The following BTBD10 variants were observed in gnomAD, a reference collection of about 807,000 sequenced individuals.
BTBD10 encodes BTB domain containing 10.
A neutral mutation model predicts 53.2 loss-of-function variants in BTBD10; 21 were observed. The observed-to-expected ratio is 0.39, with a 90% CI of 0.28 to 0.57. The LOEUF (loss-of-function observed/expected upper bound fraction) is 0.57, where lower values mean the gene tolerates loss of function less well. Ranked by LOEUF, BTBD10 falls within the 20% of genes least tolerant of loss-of-function variation. BTBD10 has a pLI of 0.53. For synonymous variants in BTBD10, 149 were observed against 192.7 expected (o/e 0.77, Z 1.88); for missense variants, 360 against 594.7 (o/e 0.61, Z 4.10).
intron 8 of BTBD10, among the ~76,000 whole-genome samples, chr11:13,400,535 G>A (rs1949689811): frequency 6.6e-6 from 1 of 152,210 alleles, no homozygotes; most frequent in Non-Finnish European, 1.5e-5. Flanking sequence ...CTCACGCACG[G>A]TGCGCTGCAC....
At chr11:13,434,357 G>A (rs978754292) in intron 2 of BTBD10, among the ~76,000 whole-genome samples, 1 of 152,176 alleles carries the variant, frequency 6.6e-6, no homozygotes, top group Non-Finnish European at 1.5e-5. Flanking sequence ...AGAACTCTCT[G>A]AGGGGGAAGT....
At chr11:13,399,445 C>T (rs199939672) in intron 8 of BTBD10, among the ~76,000 whole-genome samples, 15 of 152,162 alleles carry the variant, frequency 9.9e-5, no homozygotes, top group African/African-American at 1.4e-4. Flanking sequence ...GTTAGCCATT[C>T]GTCTAATTTT....
Position 13,445,015 on chromosome 11 carries a change from T to C in BTBD10, c.101+9A>G. Reference sequence around the variant, plus strand: ...GCTTTCATATGCGAAATACATATTTTCTACCTACCTTGAATGTTTATAAAG... The same window carrying C: ...GCTTTCATATGCGAAATACATATTTCCTACCTACCTTGAATGTTTATAAAG... On this transcript the variant is annotated intron_variant, in intron 2 of 8. Coordinates refer to ENST00000278174, the MANE Select transcript of BTBD10 (RefSeq NM_032320.7). 6.3e-7 allele frequency: 1 copy of C among 1,591,454 alleles called. No individual in the cohort carries two copies. Among genetic ancestry groups the C allele is most frequent in the Non-Finnish European group, 8.6e-7 (1 of 1,160,076 alleles).
intron 1 of BTBD10, among the ~76,000 whole-genome samples, chr11:13,453,739 T>C (rs1304925869): frequency 2.0e-5 from 3 of 152,144 alleles, no homozygotes; most frequent in African/African-American, 7.2e-5. Flanking sequence ...TATGTAAGCT[T>C]TTACAAAATG....
chr11:13,430,032 G>A (rs1356586043), intron 2 of BTBD10, among the ~76,000 whole-genome samples: 1 of 152,120 alleles, frequency 6.6e-6, no homozygotes, highest in Admixed American at 6.6e-5. Flanking sequence ...CTTGAGCCCA[G>A]AAGTTTGAGG....
At position 13,388,758 on chromosome 11, in the gene BTBD10, T is replaced by C. The variant is rs1949323990; in HGVS notation, c.*73A>G. On this transcript the variant is annotated 3_prime_UTR_variant, in exon 9 of 9. Coordinates refer to ENST00000278174, the MANE Select transcript of BTBD10 (RefSeq NM_032320.7). ...CATCTCACAATGAAGAAGAGTGGCC[T>C]TGCAGTGCAGAATGAGGAGAGTACA... 1 of 1,452,016 alleles carries C rather than the reference T, an allele frequency of 6.9e-7. No individual in the cohort carries two copies. Among genetic ancestry groups the C allele is most frequent in the Non-Finnish European group, 9.4e-7 (1 of 1,064,028 alleles). 89.9% of individuals were successfully genotyped at this position (1,452,016 alleles called of 1,614,324 possible). A position where few individuals can be genotyped will look rare whatever the true frequency, so the allele number is the denominator to read the frequency against.
chr11:13,397,525 T>C (rs1949588302), intron 8 of BTBD10, among the ~76,000 whole-genome samples: 1 of 152,228 alleles, frequency 6.6e-6, no homozygotes. Context: ...GAAGGGTTTT[T>C]TGTGTCTCTA....
At chr11:13,462,065 G>A (rs1951113234) in intron 1 of BTBD10, among the ~76,000 whole-genome samples, 1 of 151,538 alleles carries the variant, frequency 6.6e-6, no homozygotes, top group Non-Finnish European at 1.5e-5. Flanking sequence ...TCCTGGACAG[G>A]CTCTCTAATA....
At chr11:13,415,252 A>G (rs1261765218) in intron 5 of BTBD10, among the ~76,000 whole-genome samples, 1 of 151,968 alleles carries the variant, frequency 6.6e-6, no homozygotes, top group East Asian at 1.9e-4. Context: ...GTTGGAGGCC[A>G]AAAGAATGAG....
At chr11:13,445,892 C>T (rs1204785936) in intron 1 of BTBD10, among the ~76,000 whole-genome samples, 1 of 152,146 alleles carries the variant, frequency 6.6e-6, no homozygotes, top group East Asian at 1.9e-4. Flanking sequence ...AAACCACATT[C>T]ACTATCCAAT....
chr11:13,400,068 C>A (rs1949673465), intron 8 of BTBD10, among the ~76,000 whole-genome samples: 1 of 152,232 alleles, frequency 6.6e-6, no homozygotes, highest in Non-Finnish European at 1.5e-5. Flanking sequence ...CTACTCTCTT[C>A]AAAGCTGTCA....
At chr11:13,461,307 T>G (rs1484158950) in intron 1 of BTBD10, among the ~76,000 whole-genome samples, 2 of 152,216 alleles carry the variant, frequency 1.3e-5, no homozygotes, top group African/African-American at 4.8e-5. Flanking sequence ...AGACACTGAA[T>G]GCAAAAATCT....
chr11:13,402,774 A>C (rs1368728825), intron 8 of BTBD10, among the ~76,000 whole-genome samples: 1 of 152,098 alleles, frequency 6.6e-6, no homozygotes, highest in Non-Finnish European at 1.5e-5. Context: ...CTTTTACATG[A>C]ATTTTAAGGA....
chr11:13,462,171 T>A (rs889410904), intron 1 of BTBD10, among the ~76,000 whole-genome samples: 1 of 151,828 alleles, frequency 6.6e-6, no homozygotes, highest in Admixed American at 6.6e-5. Context: ...CCTAACCCCC[T>A]CTCTAAAAGA....
intron 1 of BTBD10, among the ~76,000 whole-genome samples, chr11:13,459,893 G>A (rs1951057022): frequency 6.6e-6 from 1 of 152,200 alleles, no homozygotes; most frequent in Admixed American, 6.5e-5. Flanking sequence ...GAAGCGGAAA[G>A]CTATTTCCAA....
At chr11:13,452,922 T>C (rs1950891446) in intron 1 of BTBD10, among the ~76,000 whole-genome samples, 1 of 152,232 alleles carries the variant, frequency 6.6e-6, no homozygotes, top group African/African-American at 2.4e-5. Flanking sequence ...GTATATTTTA[T>C]TAGTTCATTC....
At chr11:13,452,428 A>G (rs1459302540) in intron 1 of BTBD10, among the ~76,000 whole-genome samples, 1 of 152,232 alleles carries the variant, frequency 6.6e-6, no homozygotes, top group Non-Finnish European at 1.5e-5. Context: ...ACTGTATATC[A>G]GAAAGAAATA....
chr11:13,419,047 T>C (rs574568904), intron 4 of BTBD10, among the ~76,000 whole-genome samples: 4 of 151,302 alleles, frequency 2.6e-5, no homozygotes, highest in East Asian at 1.9e-4. Flanking sequence ...AAACTACCTA[T>C]TGGGTTTTTT....
intron 2 of BTBD10, among the ~76,000 whole-genome samples, chr11:13,442,125 A>C (rs894027677): frequency 3.3e-5 from 5 of 152,140 alleles, no homozygotes; most frequent in Non-Finnish European, 2.9e-5. Flanking sequence ...GCCATTGCCT[A>C]TCTCTGGATT....
Sources: gnomAD v4.1 joint callset for allele counts (sites outside exome capture counted in the v4.1 genomes callset) on GRCh38, gnomAD v4.1.1 for gene constraint, MANE v1.5 for transcripts, NCBI Gene and HGNC (gene_info 2026-07-23, HGNC 2026-07-21) for gene names.